The following PGAP1 variants were observed in gnomAD, a reference collection of about 807,000 sequenced individuals.
PGAP1 encodes GPI inositol-deacylase.
A neutral mutation model predicts 127.0 loss-of-function variants in PGAP1; 76 were observed. That is an observed-to-expected ratio of 0.60 (90% confidence interval 0.50 to 0.72). The LOEUF is 0.72. PGAP1 is among the 30% of genes least tolerant of loss of function. The probability of loss-of-function intolerance (pLI) is 0.00; values close to 1 mark genes in which losing one functional copy is unlikely to be tolerated. For synonymous variants in PGAP1, 362 were observed against 366.5 expected, an observed-to-expected ratio of 0.99 and a Z score of 0.14; for missense variants, 982 against 1,071.3, an observed-to-expected ratio of 0.92 and a Z score of 1.16.
intron 12 of PGAP1, 146 bp from the exon 13 acceptor site, chr2:196,880,299 T>G (rs990332927): frequency 9.8e-6 from 5 of 508,552 alleles, no homozygotes; most frequent in Non-Finnish European, 1.7e-5. Context: ...AAAATGCCCA[T>G]GTTTACATTT....
chr2:196,887,724 T>G (rs1383536504), intron 10 of PGAP1, among the ~76,000 whole-genome samples: 1 of 152,206 alleles, frequency 6.6e-6, no homozygotes, highest in Non-Finnish European at 1.5e-5. Context: ...CATAAAATGT[T>G]AAGACATTTT....
intron 20 of PGAP1, among the ~76,000 whole-genome samples, chr2:196,848,477 C>A (rs1412494442): frequency 6.6e-6 from 1 of 152,136 alleles, no homozygotes; most frequent in Non-Finnish European, 1.5e-5. Flanking sequence ...CCCAAATTCC[C>A]ATCCTTTGGC....
At chr2:196,844,181 A>G (rs1700495275) in intron 24 of PGAP1, 106 bp from the exon 25 acceptor site, 1 of 643,552 alleles carries the variant, frequency 1.6e-6, no homozygotes, top group East Asian at 3.1e-5. Context: ...TCTTTCCATT[A>G]CCAAACTGAC....
intron 4 of PGAP1, among the ~76,000 whole-genome samples, chr2:196,904,183 C>T (rs1702602137): frequency 6.6e-6 from 1 of 152,198 alleles, no homozygotes; most frequent in South Asian, 2.1e-4. Flanking sequence ...AATTCTCAGA[C>T]ACCTCAGAGT....
At chr2:196,904,620 T>G (rs1211327831) in intron 4 of PGAP1, among the ~76,000 whole-genome samples, 1 of 151,734 alleles carries the variant, frequency 6.6e-6, no homozygotes, top group Non-Finnish European at 1.5e-5. Flanking sequence ...CCCAGCTACT[T>G]GGGAGGCTGA....
chr2:196,872,541 G>A lies in PGAP1; in HGVS notation c.1628C>T (p.Ser543Phe), dbSNP rs1304428399. ...EDSLTIAQAP[S>F]STEISLKLHI... is the part of the protein sequence containing the mutation. ...GAGTTTCAGAGAAATTTCTGTGGAAGATGGAGCCCTGAAGAGATAACTTAA... is the reference window on the plus strand; with the variant it reads ...GAGTTTCAGAGAAATTTCTGTGGAAAATGGAGCCCTGAAGAGATAACTTAA... The change falls in exon 18 of 27, where the codon TCT becomes TTT. Residue 543 changes from serine to phenylalanine, a missense_variant. Physicochemically the swap from Ser to Phe is radical, Grantham distance 155. Coordinates refer to ENST00000354764, the MANE Select transcript of PGAP1 (RefSeq NM_024989.4). 1 of 1,606,820 alleles carries A rather than the reference G, an allele frequency of 6.2e-7. No individual in the cohort carries two copies. The highest frequency in any genetic ancestry group is 1.1e-5 in the South Asian group (1 of 90,888).
At chr2:196,861,775 C>A (rs1335805878) in intron 20 of PGAP1, among the ~76,000 whole-genome samples, 3 of 152,068 alleles carry the variant, frequency 2.0e-5, no homozygotes, top group African/African-American at 7.2e-5. Context: ...CAAATTAATA[C>A]TTTTATAATT....
intron 6 of PGAP1, among the ~76,000 whole-genome samples, chr2:196,898,060 C>T (rs984425415): frequency 5.3e-5 from 8 of 151,908 alleles, no homozygotes; most frequent in South Asian, 2.1e-4. Flanking sequence ...CCTACTAAAA[C>T]TACAAAAATT....
intron 4 of PGAP1, among the ~76,000 whole-genome samples, chr2:196,904,443 A>C (rs1576184225): frequency 6.6e-6 from 1 of 152,192 alleles, no homozygotes; most frequent in African/African-American, 2.4e-5. Flanking sequence ...ATAGACAAGA[A>C]AAGTCTAGAG....
At chr2:196,922,652 G>T (rs1255620699) in intron 1 of PGAP1, 2 of 531,798 alleles carry the variant, frequency 3.8e-6, no homozygotes, top group African/African-American at 2.1e-5. Flanking sequence ...TTAAAATCTG[G>T]CTCTAATTAT....
intron 12 of PGAP1, among the ~76,000 whole-genome samples, chr2:196,882,202 C>T (rs62185181): frequency 6.6e-6 from 1 of 152,050 alleles, no homozygotes; most frequent in African/African-American, 2.4e-5. Context: ...TGTTCCATTG[C>T]TCTATGTGTC....
At chr2:196,916,122 T>C (rs1170515834) in intron 3 of PGAP1, among the ~76,000 whole-genome samples, 1 of 152,204 alleles carries the variant, frequency 6.6e-6, no homozygotes, top group Non-Finnish European at 1.5e-5. Flanking sequence ...TACTTAGTCA[T>C]AGCTAGAGGT....
intron 25 of PGAP1, among the ~76,000 whole-genome samples, chr2:196,843,229 G>C (rs1700463910): frequency 1.3e-5 from 2 of 152,082 alleles, no homozygotes; most frequent in Admixed American, 1.3e-4. Context: ...TTCATTTCTT[G>C]CATTTACTGA....
chr2:196,853,910 A>ATTT (rs59361073), intron 20 of PGAP1, among the ~76,000 whole-genome samples: 33 of 130,410 alleles, frequency 2.5e-4, no homozygotes, highest in African/African-American at 7.6e-4. Flanking sequence ...CCAAAGATGA[A>ATTT]TTTTTTTTTT....
At chr2:196,882,023 G>A (rs1202056987) in intron 12 of PGAP1, among the ~76,000 whole-genome samples, 2 of 152,196 alleles carry the variant, frequency 1.3e-5, no homozygotes, top group East Asian at 1.9e-4. Flanking sequence ...GTTAATTTTT[G>A]TATATGGTGT....
intron 4 of PGAP1, among the ~76,000 whole-genome samples, chr2:196,911,677 A>G (rs903814616): frequency 7.3e-5 from 11 of 150,602 alleles, no homozygotes; most frequent in Admixed American, 1.3e-4. Context: ...AGCTATATAC[A>G]TTTACTAACC....
At chr2:196,884,910 G>C (rs1432725919) in intron 12 of PGAP1, among the ~76,000 whole-genome samples, 2 of 152,134 alleles carry the variant, frequency 1.3e-5, no homozygotes, top group Admixed American at 6.5e-5. Flanking sequence ...TGACCTACCA[G>C]AGTTGCTTAA....
At chr2:196,857,583 GA>G (rs1187344311) in intron 20 of PGAP1, among the ~76,000 whole-genome samples, 3 of 152,154 alleles carry the variant, frequency 2.0e-5, no homozygotes, top group Admixed American at 1.3e-4. Flanking sequence ...ATCAAAAGGG[GA>G]AAATGTGAAA....
intron 1 of PGAP1, 96 bp downstream of exon 1, chr2:196,926,374 G>C: frequency 6.4e-7 from 1 of 1,566,390 alleles, no homozygotes; most frequent in East Asian, 2.3e-5. Context: ...GGCCCGAGAG[G>C]CGCAGAGAGC....
Sources: gnomAD v4.1 joint callset for allele counts (sites outside exome capture counted in the v4.1 genomes callset) on GRCh38, gnomAD v4.1.1 for gene constraint, MANE v1.5 for transcripts, NCBI Gene and HGNC (gene_info 2026-07-23, HGNC 2026-07-21) for gene names.